The following PRKCE variants were observed in gnomAD, a reference collection of about 807,000 sequenced individuals.
PRKCE encodes protein kinase C epsilon.
In PRKCE, 16 loss-of-function variants were observed where a neutral mutation model predicts 85.4. The observed-to-expected ratio is 0.19, with a 90% CI of 0.13 to 0.28. The LOEUF (loss-of-function observed/expected upper bound fraction) is 0.28. Among genes scored for constraint, PRKCE ranks in the 10% least tolerant of loss-of-function variants. PRKCE has a pLI of 1.00. For synonymous variants in PRKCE, 388 were observed against 371.5 expected (o/e 1.04, Z -0.51); for missense variants, 573 against 975.2 (o/e 0.59, Z 5.49).
chr2:45,789,694 C>A (rs1686888056), intron 1 of PRKCE, among the ~76,000 whole-genome samples: 1 of 152,200 alleles, frequency 6.6e-6, no homozygotes, highest in Non-Finnish European at 1.5e-5. Context: ...TCCTTAAGAA[C>A]CATCTGGAAG....
intron 12 of PRKCE, among the ~76,000 whole-genome samples, chr2:46,147,544 C>G (rs1676191964): frequency 6.6e-6 from 1 of 152,266 alleles, no homozygotes; most frequent in Non-Finnish European, 1.5e-5. Context: ...CAATGAAGCA[C>G]AGACACTCTT....
intron 2 of PRKCE, among the ~76,000 whole-genome samples, chr2:45,900,029 A>G (rs746301673): frequency 7.2e-5 from 11 of 152,208 alleles, no homozygotes; most frequent in Non-Finnish European, 1.5e-4. Context: ...AAGTCAGTTC[A>G]GTGTCTTACT....
At chr2:45,740,519 T>A (rs1379418243) in intron 1 of PRKCE, among the ~76,000 whole-genome samples, 1 of 152,158 alleles carries the variant, frequency 6.6e-6, no homozygotes, top group East Asian at 1.9e-4. Context: ...GACACGTTCT[T>A]TAGGCCCCAC....
chr2:45,881,209 G>C lies in PRKCE; in HGVS notation c.412+38146G>C, dbSNP rs543317346. Among the ~76,000 whole-genome samples the C allele has an allele frequency of 1.1e-4, 17 of 152,026 alleles. No individual in the cohort carries two copies. The South Asian group carries it at 3.5e-3, about 32-fold the overall frequency. ...TATTTGCCTTCAGAGCCTGCAGCTG[G>C]TATCTTAATGAGCCCACCTTCTCCT... On this transcript the variant is annotated intron_variant, in intron 2 of 14. Transcript: ENST00000306156.
chr2:45,871,497 G>C (rs1694083481), intron 2 of PRKCE, among the ~76,000 whole-genome samples: 1 of 152,196 alleles, frequency 6.6e-6, no homozygotes, highest in East Asian at 1.9e-4. Context: ...ATGCAAACTT[G>C]TTTTCTCAGC....
intron 6 of PRKCE, among the ~76,000 whole-genome samples, chr2:45,998,600 C>A (rs1704410802): frequency 6.6e-6 from 1 of 151,752 alleles, no homozygotes; most frequent in Admixed American, 6.6e-5. Context: ...TTTTTTTGAT[C>A]CACTCTAACA....
chr2:46,004,559 G>A lies in PRKCE; in HGVS notation c.984G>A (p.Glu328=). ...QRRKKLIAGA[E]SPQPASGSSP... ...CTCTCTAGCTCATTGCTGGTGCCGA[G>A]TCCCCGCAGCCTGCTTCTGGAAGCT... The change falls in exon 8 of 15, where the codon GAG becomes GAA. Residue 328 remains glutamate, a synonymous_variant. Transcript: ENST00000306156. This position sits in a 1 kb window ranked among gnomAD's most constrained non-coding sequence, Gnocchi z 4.1. The A allele has an allele frequency of 6.3e-7, 1 of 1,587,194 alleles. No homozygotes were observed. The highest frequency in any genetic ancestry group is 1.7e-4 in the Middle Eastern group (1 of 6,048).
intron 2 of PRKCE, among the ~76,000 whole-genome samples, chr2:45,968,709 G>A (rs1490511401): frequency 6.6e-6 from 1 of 152,168 alleles, no homozygotes; most frequent in Non-Finnish European, 1.5e-5. Context: ...TGAGGTTGTG[G>A]GTGCCCCTGA....
chr2:45,664,569 G>A (rs616381), intron 1 of PRKCE, among the ~76,000 whole-genome samples: 67,926 of 152,086 alleles, frequency 0.45, 18,351 homozygotes, highest in Non-Finnish European at 0.59. Context: ...AGCAACAGGA[G>A]TTGGGTTTGC....
chr2:45,706,696 C>T (rs1679143432), intron 1 of PRKCE, among the ~76,000 whole-genome samples: 1 of 152,194 alleles, frequency 6.6e-6, no homozygotes, highest in Non-Finnish European at 1.5e-5. Context: ...AGTTTGGCCC[C>T]CCACAATGAA....
intron 10 of PRKCE, among the ~76,000 whole-genome samples, chr2:46,066,180 C>T (rs916264322): frequency 6.6e-6 from 1 of 152,172 alleles, no homozygotes; most frequent in African/African-American, 2.4e-5. Context: ...TGAGATGGCC[C>T]TGTACAATAT....
chr2:45,833,187 T>A (rs758313372), intron 1 of PRKCE, among the ~76,000 whole-genome samples: 6 of 152,102 alleles, frequency 3.9e-5, no homozygotes, highest in Non-Finnish European at 5.9e-5. Context: ...ACTGAATATT[T>A]TTTGTGAGCA....
At chr2:45,826,717 G>A (rs888189890) in intron 1 of PRKCE, among the ~76,000 whole-genome samples, 28 of 152,272 alleles carry the variant, frequency 1.8e-4, no homozygotes, top group Admixed American at 7.8e-4. Flanking sequence ...TCTGATCACC[G>A]TCTTCTGTTC....
intron 1 of PRKCE, among the ~76,000 whole-genome samples, chr2:45,782,069 A>T (rs569766433): frequency 6.6e-5 from 10 of 152,306 alleles, no homozygotes; most frequent in Middle Eastern, 3.4e-3. Context: ...CTACAGAGAG[A>T]AGAAAGCTCA....
intron 1 of PRKCE, among the ~76,000 whole-genome samples, chr2:45,724,994 A>C (rs13033787): frequency 0.33 from 50,613 of 152,138 alleles, 9,068 homozygotes; most frequent in South Asian, 0.5. Flanking sequence ...ACAGATTTTC[A>C]ATGTAGATTA....
At chr2:45,821,764 T>C (rs1689550742) in intron 1 of PRKCE, among the ~76,000 whole-genome samples, 1 of 152,054 alleles carries the variant, frequency 6.6e-6, no homozygotes, top group Non-Finnish European at 1.5e-5. Flanking sequence ...GAAATGAATG[T>C]CACCCTGGGG....
chr2:45,703,912 T>C (rs1678893199), intron 1 of PRKCE, among the ~76,000 whole-genome samples: 1 of 152,258 alleles, frequency 6.6e-6, no homozygotes, highest in Admixed American at 6.5e-5. Context: ...ATTACTGGTA[T>C]TGAAATGACA....
In PRKCE at chr2:46,126,259, T is replaced by C. The variant is rs552677719; in HGVS notation, c.1593-18834T>C. On this transcript the variant is annotated intron_variant, in intron 11 of 14. Coordinates refer to ENST00000306156, the MANE Select transcript of PRKCE (RefSeq NM_005400.3). ...CATCAGATATTTACTAAGGGCCTAT[T>C]ACATCTCAGGCACTGTGCAGCGTGC... Among the ~76,000 whole-genome samples, 510 of 152,306 alleles carry C rather than the reference T, an allele frequency of 3.3e-3. 1 individual carries two copies. The highest frequency in any genetic ancestry group is 5.4e-3 in the Non-Finnish European group (365 of 68,014).
chr2:46,119,658 A>G (rs1369762995), intron 11 of PRKCE, among the ~76,000 whole-genome samples: 3 of 152,180 alleles, frequency 2.0e-5, no homozygotes, highest in Admixed American at 1.3e-4. Flanking sequence ...CCCAGAAACC[A>G]TCTCTGCTTA....
Sources: allele counts gnomAD v4.1 joint callset (sites outside exome capture counted in the v4.1 genomes callset), GRCh38; gene constraint gnomAD v4.1.1; non-coding constraint Gnocchi (gnomAD v3.1); transcripts MANE v1.5; gene names NCBI Gene and HGNC (gene_info 2026-07-23, HGNC 2026-07-21).